Variants in PAQR8 observed in about 807,000 individuals in gnomAD.
PAQR8 encodes membrane progestin receptor beta.
A neutral mutation model predicts 25.2 loss-of-function variants in PAQR8; 17 were observed. The observed-to-expected ratio is 0.67, with a 90% CI of 0.46 to 1.01. The LOEUF is 1.01. Ranked by LOEUF, PAQR8 falls within the 50% of genes least tolerant of loss-of-function variation. The pLI, the probability that PAQR8 is intolerant of heterozygous loss-of-function variation, is 0.00. For synonymous variants in PAQR8, 204 were observed against 190.6 expected, an observed-to-expected ratio of 1.07 and a Z score of -0.58; for missense variants, 392 against 448.4, an observed-to-expected ratio of 0.87 and a Z score of 1.14.
intron 1 of PAQR8, among the ~76,000 whole-genome samples, chr6:52,395,384 T>G (rs756170322): frequency 2.6e-5 from 4 of 152,094 alleles, no homozygotes; most frequent in African/African-American, 4.8e-5. Context: ...ATATACTCAG[T>G]AAATAGAACT....
chr6:52,369,763 A>G (rs1236815062), intron 1 of PAQR8, among the ~76,000 whole-genome samples: 2 of 152,220 alleles, frequency 1.3e-5, no homozygotes, highest in South Asian at 2.1e-4. Context: ...TAGAAAATTT[A>G]TATTTTCCAT....
At chr6:52,376,779 G>A (rs990733298) in intron 1 of PAQR8, among the ~76,000 whole-genome samples, 4 of 152,172 alleles carry the variant, frequency 2.6e-5, no homozygotes, top group African/African-American at 4.8e-5. Flanking sequence ...TATAAAAAGA[G>A]GCCCCCCAAA....
At chr6:52,384,606 G>C (rs1354855637) in intron 1 of PAQR8, among the ~76,000 whole-genome samples, 7 of 152,030 alleles carry the variant, frequency 4.6e-5, no homozygotes, top group Admixed American at 3.9e-4. Flanking sequence ...TCAAGGAGGA[G>C]GAATTTCAAA....
At chr6:52,375,416 C>T (rs569304153) in intron 1 of PAQR8, among the ~76,000 whole-genome samples, 1 of 152,188 alleles carries the variant, frequency 6.6e-6, no homozygotes, top group African/African-American at 2.4e-5. Flanking sequence ...TATTAGGTCC[C>T]TAACAGCTAG....
intron 1 of PAQR8, among the ~76,000 whole-genome samples, chr6:52,367,568 G>T (rs1463447014): frequency 2.6e-5 from 4 of 152,172 alleles, no homozygotes; most frequent in African/African-American, 9.7e-5. Flanking sequence ...AAAGAATTCA[G>T]GTTTCTTGTT....
chr6:52,378,801 G>A (rs548799682), intron 1 of PAQR8, among the ~76,000 whole-genome samples: 2 of 144,510 alleles, frequency 1.4e-5, no homozygotes, highest in African/African-American at 2.6e-5. Context: ...AAAAAAAAGG[G>A]GGGGAAGAAA....
At chr6:52,363,921 C>T (rs1471875649) in intron 1 of PAQR8, among the ~76,000 whole-genome samples, 3 of 151,884 alleles carry the variant, frequency 2.0e-5, no homozygotes, top group Non-Finnish European at 2.9e-5. Flanking sequence ...TCCTTGGGTG[C>T]GTGTCCTTCA....
At chr6:52,380,815 C>G (rs542831390) in intron 1 of PAQR8, among the ~76,000 whole-genome samples, 87 of 152,256 alleles carry the variant, frequency 5.7e-4, no homozygotes, top group Non-Finnish European at 1.3e-4. Flanking sequence ...ATCCTGTGAC[C>G]TGGACATGTT....
At chr6:52,377,094 T>G (rs1763493643) in intron 1 of PAQR8, among the ~76,000 whole-genome samples, 1 of 152,186 alleles carries the variant, frequency 6.6e-6, no homozygotes, top group Non-Finnish European at 1.5e-5. Flanking sequence ...AAAGGCACAC[T>G]TTTGCTTTAA....
chr6:52,379,619 C>CTTTTTTTTTTTTTTTTGTTTT (rs1763528522), intron 1 of PAQR8, among the ~76,000 whole-genome samples: 1 of 77,236 alleles, frequency 1.3e-5, no homozygotes, highest in Non-Finnish European at 2.5e-5. Context: ...ACCCAGCTTT[C>CTTTTTTTTTTTTTTTTGTTTT]TTTTTTTTTT....
Position 52,406,534 on chromosome 6 carries a change from A to T in PAQR8, c.*2256A>T. Reference sequence around the variant, plus strand: ...CCATACAATTTTAATTTATACAAGTATTGGCCCCTCAAGTGGTTGGAAATT... The same window carrying T: ...CCATACAATTTTAATTTATACAAGTTTTGGCCCCTCAAGTGGTTGGAAATT... On this transcript the variant is annotated 3_prime_UTR_variant, in exon 2 of 2. Coordinates refer to ENST00000442253, the MANE Select transcript of PAQR8 (RefSeq NM_133367.5). 1 of 413,446 alleles carries T rather than the reference A, an allele frequency of 2.4e-6. No individual in the cohort carries two copies. The highest frequency in any genetic ancestry group is 2.1e-5 in the African/African-American group (1 of 48,726). The allele number at this position is 413,446 out of a possible 1,614,324, so 25.6% of individuals were successfully genotyped here. A position where few individuals can be genotyped will look rare whatever the true frequency, so the allele number is the denominator to read the frequency against.
intron 1 of PAQR8, among the ~76,000 whole-genome samples, chr6:52,391,504 A>G (rs182762720): frequency 3.9e-5 from 6 of 152,356 alleles, no homozygotes; most frequent in Admixed American, 3.9e-4. Context: ...TGCTAATAAC[A>G]GGATTGCACT....
At chr6:52,392,888 T>C (rs992920985) in intron 1 of PAQR8, among the ~76,000 whole-genome samples, 11 of 152,228 alleles carry the variant, frequency 7.2e-5, no homozygotes, top group Non-Finnish European at 1.5e-4. Flanking sequence ...TTAGGGAGTA[T>C]TGGAATCTGA....
chr6:52,404,185 CCT>C lies in PAQR8; in HGVS notation c.976_977del (p.Ser326LeufsTer43). 1 of 1,614,030 alleles carries C rather than the reference CCT, an allele frequency of 6.2e-7. No individual in the cohort carries two copies. Among genetic ancestry groups the C allele is most frequent in the Non-Finnish European group, 8.5e-7 (1 of 1,179,928 alleles). Reference sequence around the variant, plus strand: ...GACCCCTATCTGTCCACATGGCCTGCCTCTCCTTCTTCTTCCTGGCTGCCTGC... The same window carrying C: ...GACCCCTATCTGTCCACATGGCCTGCCTCCTTCTTCTTCCTGGCTGCCTGC... ...HGPLSVHMAC[L>X]SFFFLAACSA... On this transcript the variant is annotated frameshift_variant, in exon 2 of 2. Coordinates refer to ENST00000442253, the MANE Select transcript of PAQR8 (RefSeq NM_133367.5). LOFTEE classifies it high-confidence loss of function.
chr6:52,387,253 C>G (rs1376275469), intron 1 of PAQR8, among the ~76,000 whole-genome samples: 1 of 152,204 alleles, frequency 6.6e-6, no homozygotes, highest in Non-Finnish European at 1.5e-5. Context: ...GCCAGGATTC[C>G]TAGTCCATCA....
intron 1 of PAQR8, among the ~76,000 whole-genome samples, chr6:52,394,952 C>T (rs1171149017): frequency 7.3e-5 from 11 of 151,666 alleles, no homozygotes; most frequent in Non-Finnish European, 1.2e-4. Flanking sequence ...ATTTGAAAGG[C>T]GCTTCTAAGA....
At chr6:52,390,187 A>C (rs75871959) in intron 1 of PAQR8, among the ~76,000 whole-genome samples, 2 of 152,328 alleles carry the variant, frequency 1.3e-5, no homozygotes, top group South Asian at 4.1e-4. Flanking sequence ...AAACACAGAT[A>C]CTATTTATTC....
intron 1 of PAQR8, among the ~76,000 whole-genome samples, chr6:52,368,649 C>A (rs895002119): frequency 6.6e-6 from 1 of 152,124 alleles, no homozygotes. Context: ...GATAAATTTA[C>A]CTCATTCAAT....
intron 1 of PAQR8, among the ~76,000 whole-genome samples, chr6:52,381,316 GCA>G (rs1763557285): frequency 7.9e-6 from 1 of 126,772 alleles, no homozygotes; most frequent in African/African-American, 2.9e-5. Context: ...GATTCAAAAA[GCA>G]CAGCAATGGC....
Sources: gnomAD v4.1 joint callset for allele counts (sites outside exome capture counted in the v4.1 genomes callset) on GRCh38, gnomAD v4.1.1 for gene constraint, MANE v1.5 for transcripts, NCBI Gene and HGNC (gene_info 2026-07-23, HGNC 2026-07-21) for gene names.